CRTAP: variants seen among roughly 807,000 people sequenced by gnomAD.
The protein encoded by CRTAP is cartilage associated protein.
CRTAP carries 33 observed loss-of-function variants against 42.7 expected under a neutral mutation model. The ratio of observed to expected loss-of-function variants is 0.77; its 90% CI spans 0.59 to 1.03. The LOEUF is 1.03. Among genes scored for constraint, CRTAP ranks in the 50% least tolerant of loss-of-function variants. The probability of loss-of-function intolerance (pLI) is 0.00; values close to 1 mark genes in which losing one functional copy is unlikely to be tolerated. For synonymous variants in CRTAP, 243 were observed against 217.7 expected (o/e 1.12, Z -1.02); for missense variants, 613 against 533.9 (o/e 1.15, Z -1.46).
chr3:33,114,185 C>T lies in CRTAP; in HGVS notation c.108C>T (p.Phe36=). The change falls in exon 1 of 7, where the codon TTC becomes TTT. Residue 36 remains phenylalanine, a synonymous_variant. Transcript: ENST00000320954. ...AQYERYSFRS[F]PRDELMPLES... is the part of the protein sequence containing the mutation. ...ACGAACGCTACAGCTTCCGCAGCTT[C>T]CCACGGGACGAGCTGATGCCGCTCG... The T allele has an allele frequency of 2.5e-6, 4 of 1,592,982 alleles. No homozygotes were observed. Among genetic ancestry groups the T allele is most frequent in the African/African-American group, 1.4e-5 (1 of 73,606 alleles).
chr3:33,129,101 G>T, intron 3 of CRTAP, among the ~76,000 whole-genome samples: 1 of 152,176 alleles, frequency 6.6e-6, no homozygotes, highest in East Asian at 1.9e-4. Flanking sequence ...TTGTTTGTTT[G>T]TTGTTATAAA....
intron 3 of CRTAP, among the ~76,000 whole-genome samples, chr3:33,126,542 G>C (rs2030078993): frequency 6.6e-6 from 1 of 152,174 alleles, no homozygotes; most frequent in Admixed American, 6.5e-5. Context: ...CATAGTTGAT[G>C]CTGAGTTCTT....
intron 1 of CRTAP, 100 bp from the exon 2 acceptor site, chr3:33,120,244 A>G (rs1274702755): frequency 4.6e-6 from 5 of 1,090,594 alleles, no homozygotes; most frequent in Admixed American, 3.4e-5. Flanking sequence ...GAAAAGTTAT[A>G]GCAACACAAA....
chr3:33,120,259 C>T, intron 1 of CRTAP, 85 bp from the exon 2 acceptor site: 1 of 1,237,410 alleles, frequency 8.1e-7, no homozygotes. Flanking sequence ...CACAAAGTTT[C>T]TGAAGGACTA....
chr3:33,114,032 C>G lies in CRTAP; in HGVS notation c.-46C>G. On this transcript the variant is annotated 5_prime_UTR_variant, in exon 1 of 7. Coordinates refer to ENST00000320954, the MANE Select transcript of CRTAP (RefSeq NM_006371.5). ...CCTCTTTCCTTTCCTTCTCCCTCCC[C>G]TTTTCCCTTCCTTCGTCCCTTCCTT... 3 of 1,385,258 alleles carry G rather than the reference C, an allele frequency of 2.2e-6. No homozygotes were observed. The highest frequency in any genetic ancestry group is 2.8e-6 in the Non-Finnish European group (3 of 1,054,540). The allele number at this position is 1,385,258 out of a possible 1,614,324, so 85.8% of individuals were successfully genotyped here. A position where few individuals can be genotyped will look rare whatever the true frequency, so the allele number is the denominator to read the frequency against.
intron 2 of CRTAP, among the ~76,000 whole-genome samples, chr3:33,123,753 G>T (rs139033028): frequency 1.3e-5 from 2 of 150,190 alleles, no homozygotes; most frequent in East Asian, 2.0e-4. Context: ...CCTCAGCCTC[G>T]TGAGTAGCTG....
intron 6 of CRTAP, among the ~76,000 whole-genome samples, chr3:33,140,237 G>C (rs1193301436): frequency 6.6e-6 from 1 of 152,206 alleles, no homozygotes; most frequent in Non-Finnish European, 1.5e-5. Context: ...TAGTCACACA[G>C]AGGGTTAGTA....
rs969602304 is a variant in CRTAP, at chr3:33,143,269, C to T, written c.*821C>T. On this transcript the variant is annotated 3_prime_UTR_variant, in exon 7 of 7. Transcript: ENST00000320954. ...AAGACATAGGCTAAATTTCTCCAGC[C>T]TCACAATGGTCTTCACTTGGTCTGA... is the stretch of plus-strand genomic sequence containing the variant. 6 of 152,370 alleles carry T rather than the reference C, an allele frequency of 3.9e-5. No individual in the cohort carries two copies. In the East Asian group the frequency reaches 1.2e-3, roughly 29 times the overall value. The allele number at this position is 152,370 out of a possible 1,614,324, so 9.4% of individuals were successfully genotyped here. A position where few individuals can be genotyped will look rare whatever the true frequency, so the allele number is the denominator to read the frequency against.
intron 6 of CRTAP, among the ~76,000 whole-genome samples, chr3:33,137,401 A>C (rs984543247): frequency 6.6e-6 from 1 of 152,274 alleles, no homozygotes; most frequent in Admixed American, 6.5e-5. Flanking sequence ...TCAGCCTCCC[A>C]AAATGCTGGG....
intron 6 of CRTAP, among the ~76,000 whole-genome samples, chr3:33,137,398 C>T (rs567512325): frequency 3.9e-4 from 59 of 152,332 alleles, no homozygotes; most frequent in Non-Finnish European, 7.3e-4. Context: ...GCCTCAGCCT[C>T]CCAAAATGCT....
rs115679468 is a variant in CRTAP, at chr3:33,128,761, C to T, written c.794-1178C>T. ...TTCCTACCAGCAATGTTTGAAAGTGCCTGTTCCTCCACAGTCTTATGAAAT... is the reference window on the plus strand; with the variant it reads ...TTCCTACCAGCAATGTTTGAAAGTGTCTGTTCCTCCACAGTCTTATGAAAT... On this transcript the variant is annotated intron_variant, in intron 3 of 6. Coordinates refer to ENST00000320954, the MANE Select transcript of CRTAP (RefSeq NM_006371.5). 2.8e-3 allele frequency among the ~76,000 whole-genome samples: 431 copies of T among 152,236 alleles called. 2 individuals are homozygous for T. Among genetic ancestry groups the T allele is most frequent in the African/African-American group, 9.9e-3 (412 of 41,546 alleles).
chr3:33,117,439 G>A (rs1056262138), intron 1 of CRTAP, among the ~76,000 whole-genome samples: 4 of 152,140 alleles, frequency 2.6e-5, no homozygotes, highest in African/African-American at 4.8e-5. Flanking sequence ...TAGGTTTCTC[G>A]TCACCAGCCT....
In CRTAP at chr3:33,114,504, C is replaced by T; in HGVS notation, c.427C>T (p.Gln143Ter). ...CAGCCGCGAGGTGCTGGCGGACTTC[C>T]AGCGCCGCGAGCCCTACAAGTTCCT... is the stretch of plus-strand genomic sequence containing the variant. Reference protein sequence around the residue: ...QPSREVLADFQRREPYKFLQF... With the variant: ...QPSREVLADF Residue 143 changes from glutamine (Q) to a stop codon, truncating the protein, a stop_gained, in exon 1 of 7, where the codon CAG becomes TAG. Transcript: ENST00000320954. LOFTEE classifies it high-confidence loss of function. 1 of 1,603,948 alleles carries T rather than the reference C, an allele frequency of 6.2e-7. No individual in the cohort carries two copies. The highest frequency in any genetic ancestry group is 1.1e-5 in the South Asian group (1 of 89,526).
chr3:33,138,398 G>T (rs1172228374), intron 6 of CRTAP, among the ~76,000 whole-genome samples: 1 of 151,216 alleles, frequency 6.6e-6, no homozygotes, highest in Non-Finnish European at 1.5e-5. Context: ...CCACTTATTT[G>T]GATTTTTTAA....
In CRTAP at chr3:33,114,094, G is replaced by T. The variant is rs780490905; in HGVS notation, c.17G>T (p.Arg6Leu). ...CCGGGCGCGATGGAGCCGGGGCGCC[G>T]GGGGGCCGCGGCGCTGCTAGCGCTG... MEPGR[R>L]GAAALLALLC... The change falls in exon 1 of 7, where the codon CGG becomes CTG. Residue 6 changes from arginine to leucine, a missense_variant. Physicochemically the swap from Arg to Leu is moderately radical, Grantham distance 102 (BLOSUM62 -2). Transcript: ENST00000320954. 114 of 1,459,814 alleles carry T rather than the reference G, an allele frequency of 7.8e-5. No homozygotes were observed. Among genetic ancestry groups the T allele is most frequent in the Non-Finnish European group, 9.5e-5 (106 of 1,113,064 alleles). 90.4% of individuals were successfully genotyped at this position (1,459,814 alleles called of 1,614,324 possible). A position where few individuals can be genotyped will look rare whatever the true frequency, so the allele number is the denominator to read the frequency against.
intron 5 of CRTAP, among the ~76,000 whole-genome samples, 179 bp from the exon 6 acceptor site, chr3:33,134,002 CT>C (rs569651897): frequency 6.9e-4 from 105 of 152,144 alleles, no homozygotes; most frequent in Non-Finnish European, 1.2e-3. Flanking sequence ...TAGAATTCAC[CT>C]TTTTAAAGTG....
At chr3:33,135,582 G>A (rs747125380) in intron 6 of CRTAP, among the ~76,000 whole-genome samples, 1 of 150,872 alleles carries the variant, frequency 6.6e-6, no homozygotes, top group Non-Finnish European at 1.5e-5. Flanking sequence ...CTCCAGACTC[G>A]GCAATTGGAG....
chr3:33,141,482 A>T (rs1400386705), intron 6 of CRTAP, among the ~76,000 whole-genome samples: 1 of 152,228 alleles, frequency 6.6e-6, no homozygotes, highest in Non-Finnish European at 1.5e-5. Flanking sequence ...TAGGTTTTCC[A>T]GTTATTCCCA....
intron 5 of CRTAP, 92 bp downstream of exon 5, chr3:33,132,792 T>A: frequency 6.6e-7 from 1 of 1,506,244 alleles, no homozygotes; most frequent in Non-Finnish European, 9.2e-7. Flanking sequence ...ATTTTGGAAA[T>A]AAAGGGGCTG....
Sources: allele counts gnomAD v4.1 joint callset (sites outside exome capture counted in the v4.1 genomes callset), GRCh38; gene constraint gnomAD v4.1.1; transcripts MANE v1.5; gene names NCBI Gene and HGNC (gene_info 2026-07-23, HGNC 2026-07-21).